Variants in PLXNA1 observed in about 807,000 individuals in gnomAD.
PLXNA1 encodes the protein plexin-A1.
A neutral mutation model predicts 191.7 loss-of-function variants in PLXNA1; 77 were observed. The observed-to-expected ratio is 0.40, with a 90% confidence interval of 0.33 to 0.49. The LOEUF is 0.49. PLXNA1 is among the 20% of genes least tolerant of loss of function. The pLI, the probability that PLXNA1 is intolerant of heterozygous loss-of-function variation, is 0.63. For synonymous variants in PLXNA1, 1,137 were observed against 1,156.4 expected, an observed-to-expected ratio of 0.98 and a Z score of 0.34; for missense variants, 2,110 against 2,660.2, an observed-to-expected ratio of 0.79 and a Z score of 4.55.
intron 9 of PLXNA1, among the ~76,000 whole-genome samples, chr3:127,008,411 G>T (rs1363816396): frequency 6.6e-6 from 1 of 152,168 alleles, no homozygotes; most frequent in East Asian, 1.9e-4. Flanking sequence ...GCGCTGAGTG[G>T]TAATTGCTAG....
At chr3:127,023,302 G>T (rs1344036452) in intron 23 of PLXNA1, among the ~76,000 whole-genome samples, 1 of 152,238 alleles carries the variant, frequency 6.6e-6, no homozygotes, top group Non-Finnish European at 1.5e-5. Context: ...GAGACTGCAG[G>T]CCAGGGCCCA....
intron 14 of PLXNA1, 46 bp downstream of exon 14, chr3:127,014,877 G>C (rs1397174320): frequency 6.3e-7 from 1 of 1,593,616 alleles, no homozygotes; most frequent in Admixed American, 1.7e-5. Context: ...GCTGCTCTGA[G>C]AGGGTGCCGC....
chr3:126,983,481 C>G lies in PLXNA1; in HGVS notation c.-74+194C>G, dbSNP rs1410130650. 2.1e-5 allele frequency among the ~76,000 whole-genome samples: 3 copies of G among 146,160 alleles called. 1 individual carries two copies. The highest frequency in any genetic ancestry group is 4.2e-4 in the South Asian group (2 of 4,816). ...GGACTGCGGCGCGCGTGTCCGCGGC[C>G]CGCGTGTCCCTGCGGCTCCGGCCCA... On this transcript the variant is annotated intron_variant, in intron 1 of 31. Coordinates refer to ENST00000393409, the MANE Select transcript of PLXNA1 (RefSeq NM_032242.4).
chr3:127,021,074 C>T (rs1320739931), intron 21 of PLXNA1, among the ~76,000 whole-genome samples: 1 of 152,210 alleles, frequency 6.6e-6, no homozygotes, highest in Non-Finnish European at 1.5e-5. Flanking sequence ...GGGCACCCCC[C>T]AACCGTGTGC....
At chr3:127,013,648 T>C (rs2079106783) in intron 10 of PLXNA1, among the ~76,000 whole-genome samples, 1 of 152,206 alleles carries the variant, frequency 6.6e-6, no homozygotes, top group Non-Finnish European at 1.5e-5. Context: ...TCAGCAAAGA[T>C]GCTGAGGTAC....
chr3:127,033,712 G>C (rs1255356938), intron 31 of PLXNA1, among the ~76,000 whole-genome samples: 1 of 152,142 alleles, frequency 6.6e-6, no homozygotes, highest in Non-Finnish European at 1.5e-5. Flanking sequence ...AGAGCCTGCT[G>C]TTTTAGGGGG....
chr3:126,991,841 G>A (rs897342904), intron 3 of PLXNA1, among the ~76,000 whole-genome samples: 2 of 152,172 alleles, frequency 1.3e-5, no homozygotes, highest in Non-Finnish European at 2.9e-5. Context: ...ATGCTGAGGC[G>A]GGGGCTGGCT....
intron 7 of PLXNA1, among the ~76,000 whole-genome samples, chr3:127,005,845 C>A (rs925246993): frequency 3.3e-5 from 5 of 152,158 alleles, no homozygotes; most frequent in Admixed American, 6.5e-5. Context: ...AGCAGGCAGC[C>A]TGGGGGCCTG....
chr3:127,027,151 T>A (rs1035938162), intron 23 of PLXNA1: 1 of 177,142 alleles, frequency 5.6e-6, no homozygotes, highest in Non-Finnish European at 1.2e-5. Context: ...GCACATTGGG[T>A]TGGGTCCACA....
chr3:127,017,993 A>C, intron 19 of PLXNA1, 101 bp downstream of exon 19: 3 of 1,484,840 alleles, frequency 2.0e-6, no homozygotes, highest in Non-Finnish European at 2.7e-6. Flanking sequence ...CCCGAGACTC[A>C]CCCCTAGCTC....
chr3:127,014,619 A>G lies in PLXNA1; in HGVS notation c.2746A>G (p.Ser916Gly). The change falls in exon 13 of 32, where the codon AGT becomes GGT. Residue 916 changes from serine to glycine, a missense_variant. Ser to Gly is a moderately conservative substitution (Grantham distance 56, BLOSUM62 0). This residue lies in a region of PLXNA1 where 644 missense variants were observed against 714.3 expected (regional missense o/e 0.90). Transcript: ENST00000393409. ...LCSPVESEYI[S>G]AEQIVCEIGD... is the part of the protein sequence containing the mutation. ...CAGCCCTGTGGAGAGCGAGTACATC[A>G]GTGCGGAGCAGTGAGTGCAGCCCTG... 6.2e-7 allele frequency: 1 copy of G among 1,612,854 alleles called. No individual in the cohort carries two copies. The highest frequency in any genetic ancestry group is 8.5e-7 in the Non-Finnish European group (1 of 1,179,644).
rs1371402985 is a variant in PLXNA1, at chr3:127,007,714, A to C, written c.1998-85A>C. On this transcript the variant is annotated intron_variant, in intron 8 of 31. Transcript: ENST00000393409. ...CTGAGGTGGCACTATGAATACCAGC[A>C]GGGGCGGCACAGTGTCCTTCTGATC... The C allele has an allele frequency of 5.1e-6, 4 of 788,606 alleles. No individual in the cohort carries two copies. In the African/African-American group the frequency reaches 6.9e-5, roughly 14 times the overall value. 48.9% of individuals were successfully genotyped at this position (788,606 alleles called of 1,614,324 possible). A position where few individuals can be genotyped will look rare whatever the true frequency, so the allele number is the denominator to read the frequency against.
intron 3 of PLXNA1, 114 bp downstream of exon 3, chr3:126,991,680 C>G (rs1398171768): frequency 6.1e-6 from 7 of 1,146,494 alleles, no homozygotes; most frequent in Non-Finnish European, 8.3e-6. Flanking sequence ...CTAGATCTGG[C>G]GTACAGGGGG....
rs993951099 is a variant in PLXNA1, at chr3:127,004,969, G to A, written c.1704G>A (p.Val568=). 11 of 1,610,290 alleles carry A rather than the reference G, an allele frequency of 6.8e-6. No homozygotes were observed. Among genetic ancestry groups the A allele is most frequent in the African/African-American group, 6.7e-5 (5 of 74,866 alleles). The part of the protein sequence containing the change: ...ADLLQCVQLT[V]QPRNVSVTMS... ...TGCTGCAGTGTGTGCAGCTGACTGT[G>A]CAGCCCCGCAATGTGTCTGTCACCA... The change falls in exon 6 of 32, where the codon GTG becomes GTA. Residue 568 remains valine (V), a synonymous_variant. Coordinates refer to ENST00000393409, the MANE Select transcript of PLXNA1 (RefSeq NM_032242.4).
At chr3:127,007,957 C>A in intron 9 of PLXNA1, 44 bp downstream of exon 9, 1 of 1,384,592 alleles carries the variant, frequency 7.2e-7, no homozygotes, top group Non-Finnish European at 1.0e-6. Flanking sequence ...AGAGGTGGAG[C>A]AGAACTGGGT....
intron 23 of PLXNA1, among the ~76,000 whole-genome samples, chr3:127,023,778 C>A (rs1019347215): frequency 6.6e-6 from 1 of 152,148 alleles, no homozygotes; most frequent in African/African-American, 2.4e-5. Context: ...ACGGGAAATA[C>A]AGCAGACAGG....
chr3:127,018,634 G>C (rs550453517), intron 20 of PLXNA1, 106 bp downstream of exon 20: 1 of 856,460 alleles, frequency 1.2e-6, no homozygotes, highest in Non-Finnish European at 1.8e-6. Flanking sequence ...CTTCAGCTCA[G>C]TTTACAATGT....
chr3:127,000,811 C>T (rs985267854), intron 3 of PLXNA1, among the ~76,000 whole-genome samples: 1 of 152,204 alleles, frequency 6.6e-6, no homozygotes, highest in East Asian at 1.9e-4. Flanking sequence ...TGGACCGTGG[C>T]GCCTCAGTGA....
Position 127,022,198 on chromosome 3 carries a change from C to T in PLXNA1, c.4152C>T (p.Arg1384=), listed in dbSNP as rs150052583. Residue 1384 remains arginine (R), a synonymous_variant, in exon 22 of 32, where the codon CGC becomes CGT. Coordinates refer to ENST00000393409, the MANE Select transcript of PLXNA1 (RefSeq NM_032242.4). ...TLEAQRSFSM[R]DRGNVASLIM... ...AGGCACAGCGCAGCTTCTCCATGCG[C>T]GACCGCGGGAATGTGGCCTCGCTCA... 9.3e-3 allele frequency: 14,984 copies of T among 1,613,374 alleles called. 97 individuals carry two copies. The highest frequency in any genetic ancestry group is 0.012 in the Admixed American group (723 of 60,010).
Sources: allele counts gnomAD v4.1 joint callset (sites outside exome capture counted in the v4.1 genomes callset), GRCh38; gene constraint gnomAD v4.1.1; regional missense constraint gnomAD v4.1.1; transcripts MANE v1.5; gene names NCBI Gene and HGNC (gene_info 2026-07-23, HGNC 2026-07-21).